RABGAP1L: variants seen among roughly 807,000 people sequenced by gnomAD.
RABGAP1L encodes rab GTPase-activating protein 1-like.
Under a neutral mutation model 137.7 loss-of-function variants are expected in RABGAP1L, and 63 were observed. The ratio of observed to expected loss-of-function variants is 0.46; its 90% CI spans 0.37 to 0.56. RABGAP1L has a LOEUF of 0.56. RABGAP1L is among the 20% of genes least tolerant of loss of function. RABGAP1L has a pLI of 0.00. For missense variants in RABGAP1L, 1,095 were observed against 1,244.0 expected (o/e 0.88, Z 1.80); for synonymous variants, 431 against 433.7 (o/e 0.99, Z 0.08).
At chr1:174,745,469 A>G (rs1249030488) in intron 17 of RABGAP1L, among the ~76,000 whole-genome samples, 1 of 152,220 alleles carries the variant, frequency 6.6e-6, no homozygotes, top group African/African-American at 2.4e-5. Context: ...AATCCATCAC[A>G]GATATCTAAC....
In RABGAP1L at chr1:174,232,346, G is replaced by A. The variant is rs13375254; in HGVS notation, c.542+991G>A. 8.9e-3 allele frequency among the ~76,000 whole-genome samples: 1,359 copies of A among 151,976 alleles called. 21 individuals are homozygous for A. Among genetic ancestry groups the A allele is most frequent in the African/African-American group, 0.031 (1,305 of 41,454 alleles). ...AAAATAATACAAAAATTTGCCACGT[G>A]TGGTGGCACACGCCTGTAATCCCAG... On this transcript the variant is annotated intron_variant, in intron 4 of 25. Coordinates refer to ENST00000681986, the MANE Select transcript of RABGAP1L (RefSeq NM_001366446.1).
At chr1:174,165,543 A>G (rs1237949664) in intron 1 of RABGAP1L, among the ~76,000 whole-genome samples, 1 of 151,482 alleles carries the variant, frequency 6.6e-6, no homozygotes, top group Non-Finnish European at 1.5e-5. Flanking sequence ...CCCGTTACTC[A>G]AACTGAGTGC....
intron 13 of RABGAP1L, among the ~76,000 whole-genome samples, chr1:174,478,332 G>A (rs935381599): frequency 2.0e-5 from 3 of 151,678 alleles, no homozygotes; most frequent in Non-Finnish European, 2.9e-5. Flanking sequence ...GTGCAGTAGT[G>A]CAGTCATAGC....
intron 13 of RABGAP1L, among the ~76,000 whole-genome samples, chr1:174,554,624 T>C (rs975244043): frequency 6.6e-6 from 1 of 152,196 alleles, no homozygotes; most frequent in Admixed American, 6.5e-5. Flanking sequence ...TTGTATCACC[T>C]TCTTTGAAAA....
chr1:174,587,306 G>A (rs1310032542), intron 13 of RABGAP1L, among the ~76,000 whole-genome samples: 15 of 102,744 alleles, frequency 1.5e-4, no homozygotes, highest in Non-Finnish European at 2.5e-4. Flanking sequence ...GGTGGGGGGA[G>A]GGGGGAGGGA....
chr1:174,465,076 T>G (rs1035120311), intron 13 of RABGAP1L, among the ~76,000 whole-genome samples: 1 of 152,210 alleles, frequency 6.6e-6, no homozygotes, highest in Non-Finnish European at 1.5e-5. Context: ...AACACAGAAA[T>G]AAGTCTCCCT....
At chr1:174,565,014 T>C (rs1410132625) in intron 13 of RABGAP1L, among the ~76,000 whole-genome samples, 1 of 152,204 alleles carries the variant, frequency 6.6e-6, no homozygotes, top group African/African-American at 2.4e-5. Flanking sequence ...ATATTTGCCA[T>C]AACTTTAATA....
chr1:174,221,082 T>A lies in RABGAP1L; in HGVS notation c.249T>A (p.Ile83=). ...TTGATTGTCAAAGTTCCAGTGAGATTTCAGACCATTCGTTTGGAGATATTC... is the reference window on the plus strand; with the variant it reads ...TTGATTGTCAAAGTTCCAGTGAGATATCAGACCATTCGTTTGGAGATATTC... ...LLVDCQSSSE[I]SDHSFGDIPA... The change falls in exon 3 of 26, where the codon ATT becomes ATA. Residue 83 remains isoleucine (I), a synonymous_variant. Transcript: ENST00000681986. 1.9e-6 allele frequency: 3 copies of A among 1,613,916 alleles called. No individual in the cohort carries two copies. The highest frequency in any genetic ancestry group is 1.7e-6 in the Non-Finnish European group (2 of 1,179,896).
At chr1:174,468,640 A>T (rs1401644601) in intron 13 of RABGAP1L, among the ~76,000 whole-genome samples, 1 of 152,242 alleles carries the variant, frequency 6.6e-6, no homozygotes, top group Admixed American at 6.5e-5. Context: ...ACTAATATTG[A>T]GCATTATATC....
intron 12 of RABGAP1L, among the ~76,000 whole-genome samples, chr1:174,383,718 C>T (rs1403228992): frequency 1.3e-5 from 2 of 152,112 alleles, no homozygotes; most frequent in African/African-American, 4.8e-5. Context: ...GAACCCGGTA[C>T]CTCAGATGGA....
At chr1:174,638,113 T>C (rs1674212061) in intron 14 of RABGAP1L, among the ~76,000 whole-genome samples, 1 of 152,190 alleles carries the variant, frequency 6.6e-6, no homozygotes, top group Non-Finnish European at 1.5e-5. Flanking sequence ...CAGAATGAAG[T>C]GTGGTGGGTA....
chr1:174,652,235 G>C (rs1380193613), intron 14 of RABGAP1L, among the ~76,000 whole-genome samples: 1 of 152,124 alleles, frequency 6.6e-6, no homozygotes, highest in Admixed American at 6.5e-5. Context: ...CCCTTTGTGG[G>C]TATCCCTACC....
intron 14 of RABGAP1L, among the ~76,000 whole-genome samples, chr1:174,676,241 A>G (rs536052589): frequency 2.6e-5 from 4 of 152,300 alleles, no homozygotes; most frequent in African/African-American, 7.2e-5. Context: ...TATTCTAAGA[A>G]GGCTTTTGAA....
At chr1:174,783,342 A>C (rs1687173836) in intron 18 of RABGAP1L, among the ~76,000 whole-genome samples, 1 of 152,074 alleles carries the variant, frequency 6.6e-6, no homozygotes, top group Non-Finnish European at 1.5e-5. Flanking sequence ...ATTCCTTGGA[A>C]TCTGTGAGGC....
chr1:174,812,186 A>T (rs1423997517), intron 19 of RABGAP1L, among the ~76,000 whole-genome samples: 2 of 152,240 alleles, frequency 1.3e-5, no homozygotes, highest in South Asian at 2.1e-4. Context: ...CAATAGGAAG[A>T]TAAACATTTA....
chr1:174,617,680 C>T (rs767333540), intron 13 of RABGAP1L, among the ~76,000 whole-genome samples: 203 of 152,308 alleles, frequency 1.3e-3, no homozygotes, highest in Non-Finnish European at 2.4e-3. Flanking sequence ...AAATCCACAT[C>T]CCCAGATAGA....
chr1:174,506,914 C>T (rs80314829), intron 13 of RABGAP1L, among the ~76,000 whole-genome samples: 2,111 of 152,128 alleles, frequency 0.014, 26 homozygotes, highest in Non-Finnish European at 0.023. Flanking sequence ...TTCGAGTCCA[C>T]CCTGGGCAAC....
intron 14 of RABGAP1L, among the ~76,000 whole-genome samples, chr1:174,677,577 C>T (rs1427018545): frequency 1.3e-5 from 2 of 152,142 alleles, no homozygotes; most frequent in African/African-American, 2.4e-5. Context: ...CGAACCTTTG[C>T]CTTGGTAGCA....
At chr1:174,493,272 AG>A (rs1316051032) in intron 13 of RABGAP1L, among the ~76,000 whole-genome samples, 1 of 149,358 alleles carries the variant, frequency 6.7e-6, no homozygotes, top group Non-Finnish European at 1.5e-5. Flanking sequence ...TGAGGTGGGG[AG>A]GTGCTTGAGC....
Sources: allele counts gnomAD v4.1 joint callset (sites outside exome capture counted in the v4.1 genomes callset), GRCh38; gene constraint gnomAD v4.1.1; transcripts MANE v1.5; gene names NCBI Gene and HGNC (gene_info 2026-07-23, HGNC 2026-07-21).